Variants in ITSN1 observed in about 807,000 individuals in gnomAD.
ITSN1 encodes the protein intersectin 1.
In ITSN1, 58 loss-of-function variants were observed where a neutral mutation model predicts 239.8. That is an observed-to-expected ratio of 0.24 (90% CI 0.20 to 0.30). The LOEUF is 0.30. ITSN1 is among the 10% of genes least tolerant of loss of function. The pLI is 1.00. For synonymous variants in ITSN1, 780 were observed against 770.8 expected, an observed-to-expected ratio of 1.01 and a Z score of -0.20; for missense variants, 1,558 against 2,103.3, an observed-to-expected ratio of 0.74 and a Z score of 5.07.
intron 22 of ITSN1, chr21:33,817,895 A>G (rs532806478): frequency 9.4e-6 from 3 of 319,866 alleles, no homozygotes; most frequent in African/African-American, 6.4e-5. Context: ...TCCACTAAAA[A>G]TGCCAGTCAA....
intron 1 of ITSN1, chr21:33,643,510 AAAC>A (rs928150015): frequency 6.6e-6 from 1 of 151,924 alleles, no homozygotes; most frequent in Non-Finnish European, 1.5e-5. Flanking sequence ...TGGGATTAGA[AAAC>A]AACTTCGGAG....
At chr21:33,689,315 T>C (rs1489703631) in intron 1 of ITSN1, 3 of 152,214 alleles carry the variant, frequency 2.0e-5, no homozygotes, top group African/African-American at 7.2e-5. Flanking sequence ...AATTTGTGTC[T>C]ATTTAGGTTT....
chr21:33,736,474 GA>G (rs1318920835), intron 5 of ITSN1, among the ~76,000 whole-genome samples: 1 of 152,190 alleles, frequency 6.6e-6, no homozygotes, highest in African/African-American at 2.4e-5. Context: ...AGTGGTCCAA[GA>G]AAAGAAAGAA....
At chr21:33,719,800 G>T (rs1274978085) in intron 2 of ITSN1, among the ~76,000 whole-genome samples, 1 of 152,162 alleles carries the variant, frequency 6.6e-6, no homozygotes, top group Non-Finnish European at 1.5e-5. Flanking sequence ...TGCATAAAAT[G>T]TGTTTTTTGG....
chr21:33,816,698 G>T (rs562389300), intron 22 of ITSN1, among the ~76,000 whole-genome samples: 1 of 152,332 alleles, frequency 6.6e-6, no homozygotes, highest in African/African-American at 2.4e-5. Context: ...CATACGTAGA[G>T]AAATCAGTGA....
chr21:33,859,182 C>G (rs541510424), intron 31 of ITSN1, among the ~76,000 whole-genome samples: 64 of 152,336 alleles, frequency 4.2e-4, no homozygotes, highest in African/African-American at 1.3e-3. Context: ...TTGAGGCATT[C>G]TTGGCCCTGC....
At chr21:33,885,571 G>A (rs1163345123) in intron 38 of ITSN1, 49 bp downstream of exon 38, 3 of 1,462,728 alleles carry the variant, frequency 2.1e-6, no homozygotes, top group Admixed American at 1.7e-5. Context: ...TGGGAGTAGG[G>A]TCCGGGTTCC....
At chr21:33,810,616 A>T (rs1199803710) in intron 20 of ITSN1, among the ~76,000 whole-genome samples, 2 of 152,190 alleles carry the variant, frequency 1.3e-5, no homozygotes, top group African/African-American at 4.8e-5. Context: ...CTCAAGTCAA[A>T]TTATTTTTAA....
chr21:33,818,519 C>G, intron 23 of ITSN1, 47 bp downstream of exon 23: 2 of 1,451,690 alleles, frequency 1.4e-6, no homozygotes, highest in Non-Finnish European at 1.9e-6. Flanking sequence ...CAATATTAGG[C>G]GTTATATTAC....
At chr21:33,775,216 T>C in intron 14 of ITSN1, 108 bp downstream of exon 14, 2 of 1,219,208 alleles carry the variant, frequency 1.6e-6, no homozygotes, top group Non-Finnish European at 2.3e-6. Context: ...TGTCTTGTAC[T>C]AGGCACTGGG....
At chr21:33,772,790 CAA>C (rs2069267712) in intron 12 of ITSN1, among the ~76,000 whole-genome samples, 1 of 152,000 alleles carries the variant, frequency 6.6e-6, no homozygotes, top group Non-Finnish European at 1.5e-5. Flanking sequence ...CTATTATAAA[CAA>C]TGATGTTATG....
chr21:33,722,401 A>G (rs2065542892), intron 3 of ITSN1, among the ~76,000 whole-genome samples, 187 bp from the exon 4 acceptor site: 1 of 152,220 alleles, frequency 6.6e-6, no homozygotes, highest in South Asian at 2.1e-4. Context: ...TTTGAATTCT[A>G]AAGTCAGTGC....
chr21:33,643,026 C>T (rs897426772), intron 1 of ITSN1, among the ~76,000 whole-genome samples: 1 of 149,090 alleles, frequency 6.7e-6, no homozygotes, highest in East Asian at 2.0e-4. Flanking sequence ...CGCGGCCCCG[C>T]CGCCGAGCGG....
chr21:33,813,957 A>T lies in ITSN1; in HGVS notation c.2612A>T (p.Asp871Val). 1.9e-6 allele frequency: 3 copies of T among 1,613,810 alleles called. No homozygotes were observed. The highest frequency in any genetic ancestry group is 1.7e-6 in the Non-Finnish European group (2 of 1,179,936). Residue 871 changes from aspartate (D) to valine (V), a missense_variant, in exon 22 of 40, where the codon GAT (aspartate) becomes GTT (valine). Around this residue, in one of 2 missense-constraint regions of ITSN1, gnomAD observed 982 missense variants for 1,209.9 expected, o/e 0.81. Coordinates refer to ENST00000381318, the MANE Select transcript of ITSN1 (RefSeq NM_003024.3). ...TNEKPETDNW[D>V]AWAAQPSLTV... is the part of the protein sequence containing the mutation. The stretch of plus-strand genomic sequence containing the variant: ...GAGAAACCAGAAACGGATAACTGGG[A>T]TGCATGGGCAGCCCAGCCCTCTCTC...
rs766634928 is a variant in ITSN1 at position 33,818,405 on chromosome 21, G to A, written c.2866G>A (p.Gly956Ser). ...QDMWWFGEVQ[G>S]QKGWFPKSYV... is the part of the protein sequence containing the mutation. ...CATGTGGTGGTTTGGAGAAGTTCAA[G>A]GTCAGAAGGGTTGGTTCCCCAAGTC... is the stretch of plus-strand genomic sequence containing the variant. Residue 956 changes from glycine to serine, a missense_variant, in exon 23 of 40, where the codon GGT (glycine) becomes AGT (serine). Physicochemically the swap from Gly to Ser is moderately conservative, Grantham distance 56. Coordinates refer to ENST00000381318, the MANE Select transcript of ITSN1 (RefSeq NM_003024.3). 7 of 1,614,190 alleles carry A rather than the reference G, an allele frequency of 4.3e-6. No homozygotes were observed. In the Admixed American group the frequency reaches 8.3e-5, roughly 19 times the overall value.
chr21:33,847,884 C>T (rs1280765946), intron 29 of ITSN1, among the ~76,000 whole-genome samples: 1 of 152,194 alleles, frequency 6.6e-6, no homozygotes, highest in African/African-American at 2.4e-5. Flanking sequence ...TACATGGGAA[C>T]CACACGGGAG....
intron 32 of ITSN1, among the ~76,000 whole-genome samples, chr21:33,866,542 C>T (rs183670157): frequency 8.3e-4 from 127 of 152,268 alleles, no homozygotes; most frequent in African/African-American, 3.0e-3. Context: ...GAATGTGGCA[C>T]GTCGTTGCCA....
At chr21:33,818,019 G>C (rs984332400) in intron 22 of ITSN1, 3 of 511,220 alleles carry the variant, frequency 5.9e-6, no homozygotes, top group Non-Finnish European at 6.9e-6. Context: ...TTTTGAAATA[G>C]AGAGTTCTAG....
chr21:33,897,089 A>G lies in ITSN1; in HGVS notation c.*8789A>G, dbSNP rs1023404808. ...CATTTGAGGTACATTCTATAAATCA[A>G]TATCCTTAAAATGTCATCTGCTAAA... On this transcript the variant is annotated 3_prime_UTR_variant, in exon 40 of 40. Transcript: ENST00000381318. The G allele has an allele frequency of 1.3e-5, 2 of 152,362 alleles. No individual in the cohort carries two copies. Among genetic ancestry groups the G allele is most frequent in the African/African-American group, 4.8e-5 (2 of 41,578 alleles). The allele number at this position is 152,362 out of a possible 1,614,324, so 9.4% of individuals were successfully genotyped here. A position where few individuals can be genotyped will look rare whatever the true frequency, so the allele number is the denominator to read the frequency against.
Sources: allele counts gnomAD v4.1 joint callset (sites outside exome capture counted in the v4.1 genomes callset), GRCh38; gene constraint gnomAD v4.1.1; regional missense constraint gnomAD v4.1.1; transcripts MANE v1.5; gene names NCBI Gene and HGNC (gene_info 2026-07-23, HGNC 2026-07-21).